PVRIG: variants seen among roughly 807,000 people sequenced by gnomAD.
PVRIG encodes the protein PVR related immunoglobulin domain containing.
A neutral mutation model predicts 21.9 loss-of-function variants in PVRIG; 16 were observed. The ratio of observed to expected loss-of-function variants is 0.73; its 90% CI spans 0.50 to 1.11. The LOEUF (loss-of-function observed/expected upper bound fraction) is 1.11, where lower values mean the gene tolerates loss of function less well. Ranked by LOEUF, PVRIG falls within the 50% of genes most tolerant of loss-of-function variation. PVRIG has a pLI of 0.00. For synonymous variants in PVRIG, 190 were observed against 181.0 expected, an observed-to-expected ratio of 1.05 and a Z score of -0.40; for missense variants, 435 against 445.7, an observed-to-expected ratio of 0.98 and a Z score of 0.22.
exon 6 of PVRIG, chr7:100,221,163 A>G (rs746372981): frequency 6.2e-7 from 1 of 1,612,818 alleles, no homozygotes; most frequent in South Asian, 1.1e-5. Flanking sequence ...CAGGCAGGGG[A>G]GAGGCCTCCT....
At chr7:100,221,423 GAC>G (rs1803249320) in exon 6 of PVRIG, 10 of 502,156 alleles carry the variant, frequency 2.0e-5, no homozygotes, top group African/African-American at 3.9e-5. Context: ...GTGTGTGAGT[GAC>G]AGTTACCCCA....
exon 6 of PVRIG, chr7:100,221,381 CTCTGTGTGTGCG>C (rs1323147542): frequency 1.4e-6 from 1 of 695,750 alleles, no homozygotes; most frequent in Non-Finnish European, 2.3e-6. Flanking sequence ...CGGATGTGGT[CTCTGTGTGTGCG>C]TGTGTGGGCA....
At chr7:100,221,118 G>A in exon 6 of PVRIG, 1 of 1,613,898 alleles carries the variant, frequency 6.2e-7, no homozygotes, top group Non-Finnish European at 8.5e-7. Context: ...CCTGCACGTG[G>A]CAGCTTTGTC....
exon 6 of PVRIG, chr7:100,221,010 C>A (rs747235862): frequency 4.3e-6 from 7 of 1,610,070 alleles, no homozygotes; most frequent in Non-Finnish European, 5.9e-6. Flanking sequence ...ACTTTGGACA[C>A]AGCTCACCCC....
chr7:100,220,721 A>G (rs372486806), intron 4 of PVRIG, 39 bp from the exon 4 acceptor site: 20 of 1,607,694 alleles, frequency 1.2e-5, no homozygotes, highest in African/African-American at 9.4e-5. Flanking sequence ...GGATGGCCAC[A>G]TGCCCTGCAG....
rs745489321 is a variant in PVRIG at position 100,220,757 on chromosome 7, C to T, written c.597-3C>T. The stretch of plus-strand genomic sequence containing the variant: ...AGCTCTGACCATCCTTGCTCTCTCC[C>T]AGCCCTGCCCCTAGGCTCCAGCCGT... On this transcript the variant is annotated splice_polypyrimidine_tract_variant and splice_region_variant and intron_variant, in intron 4 of 5. Coordinates refer to ENST00000317271, the Ensembl canonical transcript of PVRIG. 5 of 1,606,102 alleles carry T rather than the reference C, an allele frequency of 3.1e-6. No individual in the cohort carries two copies. The highest frequency in any genetic ancestry group is 3.4e-6 in the Non-Finnish European group (4 of 1,179,932).
At chr7:100,219,584 C>T (rs976785677) in intron 1 of PVRIG, 11 of 412,588 alleles carry the variant, frequency 2.7e-5, no homozygotes, top group South Asian at 7.9e-5. Flanking sequence ...CTTTCTCCTC[C>T]GATTCCTTAG....
rs148387469 is a variant in PVRIG, at chr7:100,220,560, G to A, written c.483G>A (p.Pro161=). The A allele has an allele frequency of 1.3e-3, 2,151 of 1,611,486 alleles. 3 individuals are homozygous for A. Among genetic ancestry groups the A allele is most frequent in the Non-Finnish European group, 1.6e-3 (1,935 of 1,179,542 alleles). The change falls in exon 4 of 6, where the codon CCG becomes CCA. Residue 161 remains proline (P), a synonymous_variant. Transcript: ENST00000317271. Reference sequence around the variant, plus strand: ...CTCCGTGCCCAGGGCTCTCTGCCCCGCCGACTCCTGCCCCCATTCTGCGGG... The same window carrying A: ...CTCCGTGCCCAGGGCTCTCTGCCCCACCGACTCCTGCCCCCATTCTGCGGG...
At chr7:100,220,272 C>T in exon 3 of PVRIG, 1 of 1,564,796 alleles carries the variant, frequency 6.4e-7, no homozygotes, top group Non-Finnish European at 8.7e-7. Context: ...TGTGTTGCAC[C>T]CAGAACGTGG....
At chr7:100,221,097 C>G (rs753245769) in exon 6 of PVRIG, 21 of 1,614,012 alleles carry the variant, frequency 1.3e-5, no homozygotes, top group Non-Finnish European at 1.7e-5. Context: ...GCCTGGGCCT[C>G]CACACCCATC....
At chr7:100,220,584 G>T (rs1803164055) in exon 4 of PVRIG, 1 of 1,611,960 alleles carries the variant, frequency 6.2e-7, no homozygotes, top group African/African-American at 1.3e-5. Context: ...CCATTCTGCG[G>T]GCAGACCTGG....
chr7:100,221,389 G>A (rs1310406517), exon 6 of PVRIG: 1 of 633,506 alleles, frequency 1.6e-6, no homozygotes, highest in Non-Finnish European at 2.6e-6. Context: ...GTCTCTGTGT[G>A]TGCGTGTGTG....
rs2117685869 is a variant in PVRIG at position 100,220,542 on chromosome 7, C to T, written c.470-5C>T. ...CACCCATCTGATTCTTGTCTCCGTG[C>T]CCAGGGCTCTCTGCCCCGCCGACTC... On this transcript the variant is annotated splice_polypyrimidine_tract_variant and splice_region_variant and intron_variant, in intron 3 of 5. Transcript: ENST00000317271. 1 of 1,611,584 alleles carries T rather than the reference C, an allele frequency of 6.2e-7. No individual in the cohort carries two copies. The highest frequency in any genetic ancestry group is 8.5e-7 in the Non-Finnish European group (1 of 1,179,452).
At chr7:100,221,300 G>A (rs1365615279) in exon 6 of PVRIG, 1 of 1,421,032 alleles carries the variant, frequency 7.0e-7, no homozygotes, top group South Asian at 1.4e-5. Context: ...CCTCCTGGGT[G>A]TCACCCCCTT....
exon 6 of PVRIG, chr7:100,221,238 T>C (rs1478812165): frequency 6.3e-7 from 1 of 1,578,012 alleles, no homozygotes; most frequent in Non-Finnish European, 8.6e-7. Flanking sequence ...GAAGGACCCT[T>C]AGGAGTTCGA....
intron 1 of PVRIG, chr7:100,219,676 CCT>C (rs1803074419): frequency 8.4e-6 from 5 of 594,264 alleles, no homozygotes; most frequent in Middle Eastern, 4.5e-4. Flanking sequence ...CCTTCTAGCC[CCT>C]GACAGCTTCT....
exon 5 of PVRIG, chr7:100,220,811 A>C: frequency 1.2e-6 from 2 of 1,607,086 alleles, no homozygotes; most frequent in African/African-American, 2.7e-5. Flanking sequence ...CACCGAGAGC[A>C]CGAGCATGGG....
chr7:100,220,236 A>G (rs2906645), exon 3 of PVRIG: 1,141,877 of 1,581,362 alleles, frequency 0.72, 417,820 homozygotes, highest in Middle Eastern at 0.86. Context: ...GGGGGGCCCC[A>G]ACGGTGCTGG....
intron 1 of PVRIG, chr7:100,219,561 C>G (rs1159657390): frequency 8.1e-6 from 3 of 368,896 alleles, no homozygotes; most frequent in Admixed American, 4.4e-5. Flanking sequence ...TGCTGGCTTC[C>G]CACTCCCAGG....
Sources: gnomAD v4.1 joint callset for allele counts on GRCh38, gnomAD v4.1.1 for gene constraint, MANE v1.5 for transcripts, NCBI Gene and HGNC (gene_info 2026-07-23, HGNC 2026-07-21) for gene names.